The following LHFPL7 variants were observed in gnomAD, a reference collection of about 807,000 sequenced individuals.
LHFPL7 encodes LHFPL tetraspan subfamily member 7 protein.
At chr22:24,936,478 C>A in the LHFPL7 span, among the ~76,000 whole-genome samples, 4 of 152,160 alleles carry the variant, frequency 2.6e-5, no homozygotes, top group South Asian at 8.3e-4. Context: ...ACTAGCTCAC[C>A]CATGCAGTCA....
chr22:24,942,246 G>A, the LHFPL7 span, among the ~76,000 whole-genome samples: 4 of 152,088 alleles, frequency 2.6e-5, no homozygotes, highest in East Asian at 1.9e-4. Flanking sequence ...CACCCGCCTC[G>A]GCCTCCCAAA....
At chr22:24,941,402 T>C in the LHFPL7 span, among the ~76,000 whole-genome samples, 2 of 151,988 alleles carry the variant, frequency 1.3e-5, no homozygotes, top group African/African-American at 4.8e-5. Flanking sequence ...TATTGCATTC[T>C]GCGTCTTACT....
the LHFPL7 span, chr22:24,935,722 A>AT: frequency 7.8e-7 from 1 of 1,275,524 alleles, no homozygotes; most frequent in Admixed American, 2.6e-5. Flanking sequence ...TCATTTGCTT[A>AT]TTTATTGGCT....
the LHFPL7 span, among the ~76,000 whole-genome samples, chr22:24,941,233 A>C: frequency 6.6e-6 from 1 of 151,294 alleles, no homozygotes; most frequent in African/African-American, 2.4e-5. Context: ...CAGTGGTGCC[A>C]TGTCGGCTCA....
chr22:24,941,169 ATCTT>A, the LHFPL7 span, among the ~76,000 whole-genome samples: 1 of 149,812 alleles, frequency 6.7e-6, no homozygotes, highest in Non-Finnish European at 1.5e-5. Flanking sequence ...AGATGGTATT[ATCTT>A]TTTTTTTTTT....
the LHFPL7 span, among the ~76,000 whole-genome samples, chr22:24,940,674 C>CTTCCTTCCTTCCTTCCTTCT: frequency 8.1e-6 from 1 of 122,700 alleles, no homozygotes. Context: ...TCCTTCCTTC[C>CTTCCTTCCTTCCTTCCTTCT]CTCCTTCCTT....
the LHFPL7 span, chr22:24,939,449 G>T: frequency 1.4e-6 from 1 of 702,984 alleles, no homozygotes; most frequent in African/African-American, 1.7e-5. Context: ...AGAAGGTCGG[G>T]GTCTGGAACC....
At chr22:24,942,620 A>T in the LHFPL7 span, among the ~76,000 whole-genome samples, 8 of 151,854 alleles carry the variant, frequency 5.3e-5, no homozygotes, top group Admixed American at 3.3e-4. Context: ...CCAACCAACC[A>T]CTCCACCATA....
chr22:24,944,657 C>G, the LHFPL7 span, among the ~76,000 whole-genome samples: 1 of 152,156 alleles, frequency 6.6e-6, no homozygotes, highest in Non-Finnish European at 1.5e-5. Context: ...GGGGCTCAAG[C>G]AATCCTCCCA....
chr22:24,941,983 A>T, the LHFPL7 span, among the ~76,000 whole-genome samples: 25 of 146,224 alleles, frequency 1.7e-4, no homozygotes, highest in African/African-American at 5.2e-4. Flanking sequence ...AATGTATTTT[A>T]TTTATTTATT....
the LHFPL7 span, among the ~76,000 whole-genome samples, chr22:24,944,227 T>C: frequency 6.6e-6 from 1 of 152,178 alleles, no homozygotes; most frequent in Non-Finnish European, 1.5e-5. Flanking sequence ...ACTTAGACTC[T>C]GGAGGGAGAG....
chr22:24,945,552 C>A, the LHFPL7 span, among the ~76,000 whole-genome samples: 1 of 152,122 alleles, frequency 6.6e-6, no homozygotes, highest in South Asian at 2.1e-4. Flanking sequence ...TGACCTGGGA[C>A]GAAGAACCTG....
At chr22:24,942,531 G>A in the LHFPL7 span, among the ~76,000 whole-genome samples, 32,686 of 152,144 alleles carry the variant, frequency 0.21, 3,999 homozygotes, top group East Asian at 0.55. Flanking sequence ...CCAGGCACCT[G>A]CGGCACAACC....
At chr22:24,942,078 C>T in the LHFPL7 span, among the ~76,000 whole-genome samples, 3 of 152,270 alleles carry the variant, frequency 2.0e-5, no homozygotes, top group South Asian at 6.2e-4. Context: ...TCACTGCAAG[C>T]TCTGCTTCCC....
chr22:24,942,608 G>A, the LHFPL7 span, among the ~76,000 whole-genome samples: 2 of 152,222 alleles, frequency 1.3e-5, no homozygotes, highest in Non-Finnish European at 2.9e-5. Flanking sequence ...TGGGGTTAGA[G>A]GCCAACCAAC....
the LHFPL7 span, among the ~76,000 whole-genome samples, chr22:24,942,613 AC>A: frequency 6.6e-6 from 1 of 152,206 alleles, no homozygotes; most frequent in Non-Finnish European, 1.5e-5. Context: ...TTAGAGGCCA[AC>A]CAACCACTCC....
chr22:24,938,195 G>A, the LHFPL7 span: 2 of 1,614,208 alleles, frequency 1.2e-6, no homozygotes, highest in South Asian at 1.1e-5. Flanking sequence ...TTCTCCTTGG[G>A]CACAGCCCTT....
the LHFPL7 span, among the ~76,000 whole-genome samples, chr22:24,942,718 C>T: frequency 6.6e-6 from 1 of 152,146 alleles, no homozygotes; most frequent in African/African-American, 2.4e-5. Flanking sequence ...TTATGAATCC[C>T]TTAGTCTGGA....
At chr22:24,936,182 C>T in the LHFPL7 span, among the ~76,000 whole-genome samples, 1 of 152,162 alleles carries the variant, frequency 6.6e-6, no homozygotes, top group East Asian at 1.9e-4. Context: ...TTCATCTCCA[C>T]TTATTCTCTC....
Sources: allele counts gnomAD v4.1 joint callset (sites outside exome capture counted in the v4.1 genomes callset), GRCh38; gene constraint gnomAD v4.1.1; transcripts MANE v1.5; gene names NCBI Gene and HGNC (gene_info 2026-07-23, HGNC 2026-07-21).